ZNF136: variants seen among roughly 807,000 people sequenced by gnomAD.
ZNF136 encodes zinc finger protein 136 (clone pHZ-20).
Under a neutral mutation model 11.4 loss-of-function variants are expected in ZNF136, and 8 were observed. That is an observed-to-expected ratio of 0.70 (90% confidence interval 0.41 to 1.27). The LOEUF (loss-of-function observed/expected upper bound fraction) is 1.27, where lower values mean the gene tolerates loss of function less well. ZNF136 is among the 50% of genes most tolerant of loss of function. ZNF136 has a pLI of 0.01. For missense variants in ZNF136, 590 were observed against 656.5 expected (o/e 0.90, Z 1.11); for synonymous variants, 190 against 207.1 (o/e 0.92, Z 0.71).
At chr19:12,184,552 C>G (rs1198386738) in intron 1 of ZNF136, 1 of 144,210 alleles carries the variant, frequency 6.9e-6, no homozygotes, top group African/African-American at 2.7e-5. Context: ...AGCCAGACTC[C>G]GTCTAAAAAA....
intron 1 of ZNF136, among the ~76,000 whole-genome samples, chr19:12,179,934 C>T (rs567427908): frequency 1.4e-4 from 21 of 151,924 alleles, no homozygotes; most frequent in African/African-American, 3.6e-4. Context: ...GGCGCAGTCT[C>T]GGCTCACTGC....
chr19:12,185,687 A>G (rs929006484), intron 1 of ZNF136, 98 bp from the exon 2 acceptor site: 16 of 1,464,442 alleles, frequency 1.1e-5, no homozygotes, highest in Non-Finnish European at 1.5e-5. Flanking sequence ...AAATGTTTGC[A>G]GACCCCTGAA....
At position 12,187,134 on chromosome 19, in the gene ZNF136, T is replaced by C; in HGVS notation, c.756T>C (p.Tyr252=). ...HMIKHTGDGP[Y]KCKVCGKPFH... Reference sequence around the variant, plus strand: ...TAAAGCACACTGGAGATGGACCTTATAAATGTAAGGTATGTGGGAAACCCT... The same window carrying C: ...TAAAGCACACTGGAGATGGACCTTACAAATGTAAGGTATGTGGGAAACCCT... The change falls in exon 4 of 4, where the codon TAT becomes TAC. Residue 252 remains tyrosine (Y), a synonymous_variant. Coordinates refer to ENST00000343979, the MANE Select transcript of ZNF136 (RefSeq NM_003437.5). The C allele has an allele frequency of 2.5e-6, 4 of 1,614,134 alleles. No homozygotes were observed. The highest frequency in any genetic ancestry group is 1.7e-5 in the Admixed American group (1 of 60,026).
chr19:12,178,478 A>G (rs891556120), intron 1 of ZNF136, among the ~76,000 whole-genome samples: 1 of 152,200 alleles, frequency 6.6e-6, no homozygotes, highest in Admixed American at 6.5e-5. Flanking sequence ...GTTAGGTTTG[A>G]TTGTATGTGA....
chr19:12,170,704 C>T (rs188858391), intron 1 of ZNF136, among the ~76,000 whole-genome samples: 4 of 149,748 alleles, frequency 2.7e-5, no homozygotes, highest in Non-Finnish European at 4.4e-5. Context: ...CTCGCTCTGT[C>T]GCCAGGCCAG....
intron 1 of ZNF136, among the ~76,000 whole-genome samples, chr19:12,173,261 T>C (rs1034345904): frequency 3.9e-5 from 6 of 152,290 alleles, no homozygotes; most frequent in East Asian, 1.9e-4. Context: ...ACAGGCCTTA[T>C]TGGTTTTCCC....
At position 12,172,528 on chromosome 19, in the gene ZNF136, G is replaced by A. The variant is rs191048970; in HGVS notation, c.3+9322G>A. Among the ~76,000 whole-genome samples the A allele has an allele frequency of 4.6e-5, 7 of 152,220 alleles. No individual in the cohort carries two copies. In the East Asian group the frequency reaches 1.3e-3, roughly 29 times the overall value. ...TCTGACCATTGTCAGTTTAATCCTA[G>A]ACTAGAGTAGCCACTAATCCGGTAT... On this transcript the variant is annotated intron_variant, in intron 1 of 3. Transcript: ENST00000343979.
rs1687153127 is a variant in ZNF136 at position 12,186,968 on chromosome 19, A to C, written c.590A>C (p.Lys197Thr). Residue 197 changes from lysine (K) to threonine (T), a missense_variant, in exon 4 of 4, where the codon AAA becomes ACA. Coordinates refer to ENST00000343979, the MANE Select transcript of ZNF136 (RefSeq NM_003437.5). ...IITHSGYTPYKCKVCGKAFDY... is the reference protein window; with the variant it reads ...IITHSGYTPYTCKVCGKAFDY... ...ACACACAGTGGATATACACCATATA[A>C]ATGTAAGGTGTGTGGGAAAGCTTTT... The C allele has an allele frequency of 1.2e-6, 2 of 1,613,944 alleles. No individual in the cohort carries two copies. Among genetic ancestry groups the C allele is most frequent in the Admixed American group, 1.7e-5 (1 of 59,992 alleles).
At chr19:12,185,960 C>G (rs1359599851) in intron 2 of ZNF136, 49 bp downstream of exon 2, 8 of 1,610,270 alleles carry the variant, frequency 5.0e-6, no homozygotes, top group Non-Finnish European at 6.8e-6. Flanking sequence ...AGAAGTGCTT[C>G]TTGTGCAGTG....
chr19:12,187,344 C>T lies in ZNF136; in HGVS notation c.966C>T (p.Ser322=). 1 of 1,613,730 alleles carries T rather than the reference C, an allele frequency of 6.2e-7. No homozygotes were observed. The change falls in exon 4 of 4, where the codon TCC becomes TCT. Residue 322 remains serine, a synonymous_variant. Transcript: ENST00000343979. ...QCGKAFSYLP[S]LRLHERIHTG... ...GGAAGGCCTTCAGTTATCTCCCCTCCCTTCGACTACATGAAAGAATTCACA... is the reference window on the plus strand; with the variant it reads ...GGAAGGCCTTCAGTTATCTCCCCTCTCTTCGACTACATGAAAGAATTCACA...
intron 1 of ZNF136, among the ~76,000 whole-genome samples, chr19:12,165,524 A>G (rs1028018473): frequency 6.6e-6 from 1 of 152,210 alleles, no homozygotes; most frequent in African/African-American, 2.4e-5. Context: ...CTTATTTTCA[A>G]CGGCTTGTAT....
At position 12,189,458 on chromosome 19, in the gene ZNF136, T is replaced by A. The variant is rs1915201131; in HGVS notation, c.*1457T>A. 1 of 152,254 alleles carries A rather than the reference T, an allele frequency of 6.6e-6. No homozygotes were observed. Among genetic ancestry groups the A allele is most frequent in the African/African-American group, 2.4e-5 (1 of 41,444 alleles). The allele number at this position is 152,254 out of a possible 1,614,324, so 9.4% of individuals were successfully genotyped here. The stretch of plus-strand genomic sequence containing the variant: ...GCAACCTCTGCCTTCTGGGTTCAAG[T>A]GATTCTCCCACCTTAGCCTCCTAGG... On this transcript the variant is annotated 3_prime_UTR_variant, in exon 4 of 4. Transcript: ENST00000343979.
At chr19:12,183,251 C>T (rs1914990838) in intron 1 of ZNF136, among the ~76,000 whole-genome samples, 1 of 151,782 alleles carries the variant, frequency 6.6e-6, no homozygotes, top group Non-Finnish European at 1.5e-5. Flanking sequence ...TTCAAGCAAT[C>T]CTCCCACCTC....
intron 2 of ZNF136, 93 bp downstream of exon 2, chr19:12,186,004 G>A (rs12610074): frequency 0.13 from 207,515 of 1,597,626 alleles, 16,454 homozygotes; most frequent in African/African-American, 0.35. Context: ...TGGAGGGAGA[G>A]TACTTGGGGG....
At chr19:12,179,499 C>CG (rs1914887626) in intron 1 of ZNF136, among the ~76,000 whole-genome samples, 2 of 151,952 alleles carry the variant, frequency 1.3e-5, no homozygotes, top group South Asian at 4.1e-4. Context: ...TTTATAGAGA[C>CG]GGGGTTCCTC....
At chr19:12,186,216 T>G (rs1267829386) in intron 3 of ZNF136, 42 bp downstream of exon 3, 1 of 1,561,396 alleles carries the variant, frequency 6.4e-7, no homozygotes, top group Non-Finnish European at 8.6e-7. Flanking sequence ...TGAAAGTACC[T>G]TAGCATGTCA....
chr19:12,171,192 G>A (rs915621374), intron 1 of ZNF136, among the ~76,000 whole-genome samples: 9 of 151,746 alleles, frequency 5.9e-5, no homozygotes, highest in African/African-American at 2.2e-4. Flanking sequence ...TGTTGGCCAG[G>A]ATGGTCTTGA....
intron 1 of ZNF136, among the ~76,000 whole-genome samples, chr19:12,180,101 C>T (rs569388861): frequency 2.6e-5 from 4 of 151,696 alleles, no homozygotes; most frequent in South Asian, 2.1e-4. Context: ...CTCCTGACCT[C>T]GTGATCTGCC....
At position 12,185,872 on chromosome 19, in the gene ZNF136, G is replaced by A; in HGVS notation, c.91G>A (p.Asp31Asn). 1.2e-6 allele frequency: 2 copies of A among 1,613,980 alleles called. No homozygotes were observed. Reference protein sequence around the residue: ...LDPSQKNLYRDVMWETMRNLA... With the variant: ...LDPSQKNLYRNVMWETMRNLA... ...TCCTTCCCAGAAGAATCTCTACAGA[G>A]ATGTGATGTGGGAAACCATGAGGAA... is the stretch of plus-strand genomic sequence containing the variant. The change falls in exon 2 of 4, where the codon GAT becomes AAT. Residue 31 changes from aspartate (D) to asparagine (N), a missense_variant. Asp to Asn is a conservative substitution (Grantham distance 23). Transcript: ENST00000343979.
Sources: gnomAD v4.1 joint callset for allele counts (sites outside exome capture counted in the v4.1 genomes callset) on GRCh38, gnomAD v4.1.1 for gene constraint, MANE v1.5 for transcripts, NCBI Gene and HGNC (gene_info 2026-07-23, HGNC 2026-07-21) for gene names.